Variants in PRKN observed in about 807,000 individuals in gnomAD.
The protein encoded by PRKN is parkin RBR E3 ubiquitin protein ligase.
PRKN carries 56 observed loss-of-function variants against 59.5 expected under a neutral mutation model. The ratio of observed to expected loss-of-function variants is 0.94; its 90% CI spans 0.76 to 1.18. The LOEUF is 1.18. Among genes scored for constraint, PRKN ranks in the 50% most tolerant of loss-of-function variants. PRKN has a pLI of 0.00. For missense variants in PRKN, 657 were observed against 596.4 expected, an observed-to-expected ratio of 1.10 and a Z score of -1.06; for synonymous variants, 250 against 222.1, an observed-to-expected ratio of 1.13 and a Z score of -1.12.
At chr6:162,404,331 T>C (rs1480190200) in intron 2 of PRKN, among the ~76,000 whole-genome samples, 3 of 149,312 alleles carry the variant, frequency 2.0e-5, no homozygotes, top group Non-Finnish European at 3.0e-5. Context: ...GATCGCACGA[T>C]TGCACTCCAG....
rs1471661893 is a variant in PRKN at position 161,458,426 on chromosome 6, C to T, written c.1084-71549G>A. On this transcript the variant is annotated intron_variant, in intron 9 of 11. Transcript: ENST00000366898. This position sits in a 1 kb window ranked among gnomAD's most constrained non-coding sequence, Gnocchi z 6.1. ...GCCGTTATCACAGCTCCCTGGCCCT[C>T]GCCGCGGTGGAGGCAGCCGTCTGTC... 6.6e-6 allele frequency among the ~76,000 whole-genome samples: 1 copy of T among 152,162 alleles called. No homozygotes were observed. Among genetic ancestry groups the T allele is most frequent in the Non-Finnish European group, 1.5e-5 (1 of 68,044 alleles).
chr6:161,781,305 C>T (rs1790195250), intron 7 of PRKN, among the ~76,000 whole-genome samples: 2 of 152,174 alleles, frequency 1.3e-5, no homozygotes, highest in East Asian at 1.9e-4. Context: ...ATTTAAGTAA[C>T]CAGTGATGAG....
At chr6:162,110,908 T>C (rs1184458765) in intron 4 of PRKN, among the ~76,000 whole-genome samples, 1 of 152,156 alleles carries the variant, frequency 6.6e-6, no homozygotes, top group Non-Finnish European at 1.5e-5. Context: ...ATCCAGATTC[T>C]GAGACATCCC....
Position 161,462,589 on chromosome 6 carries a change from C to T in PRKN, c.1084-75712G>A, listed in dbSNP as rs965700541. ...TGTCTGATCAGCAATATAGCTCACC[C>T]TTATTTTAAAAGGTCTACTTTGAAT... On this transcript the variant is annotated intron_variant, in intron 9 of 11. Coordinates refer to ENST00000366898, the MANE Select transcript of PRKN (RefSeq NM_004562.3). This position sits in a 1 kb window ranked among gnomAD's most constrained non-coding sequence, Gnocchi z 4.5. 6.6e-6 allele frequency among the ~76,000 whole-genome samples: 1 copy of T among 152,046 alleles called. No homozygotes were observed. Among genetic ancestry groups the T allele is most frequent in the Non-Finnish European group, 1.5e-5 (1 of 68,014 alleles).
At chr6:161,802,849 C>T (rs955270026) in intron 6 of PRKN, among the ~76,000 whole-genome samples, 7 of 152,184 alleles carry the variant, frequency 4.6e-5, no homozygotes, top group African/African-American at 1.4e-4. Context: ...ATTTCCCCAT[C>T]CAGTTGATGG....
At chr6:161,677,035 T>C (rs1368979960) in intron 7 of PRKN, among the ~76,000 whole-genome samples, 1 of 152,196 alleles carries the variant, frequency 6.6e-6, no homozygotes, top group Non-Finnish European at 1.5e-5. Context: ...GAATATATAT[T>C]TGCTTTGGCT....
chr6:161,392,598 C>T (rs1422946132), intron 9 of PRKN, among the ~76,000 whole-genome samples: 1 of 150,408 alleles, frequency 6.6e-6, no homozygotes, highest in Non-Finnish European at 1.5e-5. Context: ...AATTCAACAC[C>T]AGGAGAAAGT....
At chr6:161,507,783 A>T (rs886352858) in intron 9 of PRKN, among the ~76,000 whole-genome samples, 11 of 152,098 alleles carry the variant, frequency 7.2e-5, no homozygotes, top group Admixed American at 2.0e-4. Context: ...AACCTCCTTA[A>T]ACATTCAGTA....
chr6:161,348,016 CAG>C lies in PRKN; in HGVS notation c.*2081_*2082del, dbSNP rs1784399439. ...CATGCTGGACAGCCTAATAGTCTAA[CAG>C]GGGATCCTAGGGTGCCTGAGCTCAT... On this transcript the variant is annotated 3_prime_UTR_variant, in exon 12 of 12. Coordinates refer to ENST00000366898, the MANE Select transcript of PRKN (RefSeq NM_004562.3). The surrounding 1 kb of genome is among the most constrained non-coding windows in gnomAD (Gnocchi z 4.9). 5.5e-6 allele frequency: 1 copy of C among 180,856 alleles called. No homozygotes were observed. The highest frequency in any genetic ancestry group is 1.2e-5 in the Non-Finnish European group (1 of 84,692). The allele number at this position is 180,856 out of a possible 1,614,324, so 11.2% of individuals were successfully genotyped here. A position where few individuals can be genotyped will look rare whatever the true frequency, so the allele number is the denominator to read the frequency against.
chr6:162,355,395 CTATCTATCTATCTATA>C (rs1784810006), intron 2 of PRKN, among the ~76,000 whole-genome samples: 1 of 151,714 alleles, frequency 6.6e-6, no homozygotes, highest in African/African-American at 2.4e-5. Context: ...TGTAATCTAT[CTATCTATCTATCTATA>C]TATATATAAC....
chr6:161,783,712 C>CT, intron 7 of PRKN: 1 of 500,712 alleles, frequency 2.0e-6, no homozygotes, highest in Non-Finnish European at 3.9e-6. Context: ...ACATTAAAAG[C>CT]ATTACAGAGT....
At chr6:162,572,784 C>T (rs6927670) in intron 1 of PRKN, among the ~76,000 whole-genome samples, 80,754 of 152,044 alleles carry the variant, frequency 0.53, 21,751 homozygotes, top group East Asian at 0.71. Context: ...TATCCATCCA[C>T]TCCTTTAAAA....
intron 3 of PRKN, among the ~76,000 whole-genome samples, chr6:162,238,300 G>T (rs568318228): frequency 2.0e-5 from 3 of 152,080 alleles, no homozygotes; most frequent in Non-Finnish European, 4.4e-5. Flanking sequence ...GTTGTCTAGG[G>T]GCAATAGGCT....
rs1779119507 is a variant in PRKN, at chr6:161,529,318, T to C, written c.1083+19536A>G. On this transcript the variant is annotated intron_variant, in intron 9 of 11. Coordinates refer to ENST00000366898, the MANE Select transcript of PRKN (RefSeq NM_004562.3). This position sits in a 1 kb window ranked among gnomAD's most constrained non-coding sequence, Gnocchi z 4.4. Reference sequence around the variant, plus strand: ...TGGCTGACGGCTGTGTCCCTCCAGCTGCCTCACCTGGGGCCGCAGTAAGCA... The same window carrying C: ...TGGCTGACGGCTGTGTCCCTCCAGCCGCCTCACCTGGGGCCGCAGTAAGCA... 6.6e-6 allele frequency among the ~76,000 whole-genome samples: 1 copy of C among 152,136 alleles called. No homozygotes were observed. The highest frequency in any genetic ancestry group is 1.5e-5 in the Non-Finnish European group (1 of 68,030).
At chr6:162,118,518 A>G (rs941826301) in intron 4 of PRKN, among the ~76,000 whole-genome samples, 1 of 152,214 alleles carries the variant, frequency 6.6e-6, no homozygotes, top group Non-Finnish European at 1.5e-5. Context: ...ACATGAATGT[A>G]TTTGCTTCAT....
intron 9 of PRKN, among the ~76,000 whole-genome samples, chr6:161,437,168 T>C (rs1194121344): frequency 6.6e-6 from 1 of 152,168 alleles, no homozygotes; most frequent in African/African-American, 2.4e-5. Flanking sequence ...GCAGGTATAA[T>C]GGTGCGAGGA....
At chr6:162,082,532 C>T (rs995279043) in intron 4 of PRKN, among the ~76,000 whole-genome samples, 3 of 152,094 alleles carry the variant, frequency 2.0e-5, no homozygotes, top group African/African-American at 7.2e-5. Context: ...TTTTTGTCTA[C>T]ACTGGAGTAG....
rs74983663 is a variant in PRKN at position 162,541,331 on chromosome 6, G to A, written c.8-97858C>T. 9.8e-3 allele frequency among the ~76,000 whole-genome samples: 1,500 copies of A among 152,294 alleles called. 25 individuals are homozygous for A. The highest frequency in any genetic ancestry group is 0.034 in the African/African-American group (1,432 of 41,562). ...GACATTTCAGGAAGGCCTAAAAGTTGAGGCATGCATCATGCAGATAACTGG... is the reference window on the plus strand; with the variant it reads ...GACATTTCAGGAAGGCCTAAAAGTTAAGGCATGCATCATGCAGATAACTGG... On this transcript the variant is annotated intron_variant, in intron 1 of 11. Transcript: ENST00000366898.
chr6:162,333,911 A>C (rs1274953707), intron 2 of PRKN, among the ~76,000 whole-genome samples: 1 of 152,220 alleles, frequency 6.6e-6, no homozygotes, highest in Non-Finnish European at 1.5e-5. Flanking sequence ...ACTCCAGTGA[A>C]CACACAAACG....
Sources: gnomAD v4.1 joint callset for allele counts (sites outside exome capture counted in the v4.1 genomes callset) on GRCh38, gnomAD v4.1.1 for gene constraint, Gnocchi (gnomAD v3.1) non-coding constraint, MANE v1.5 for transcripts, NCBI Gene and HGNC (gene_info 2026-07-23, HGNC 2026-07-21) for gene names.